The following SLC5A1 variants were observed in gnomAD, a reference collection of about 807,000 sequenced individuals.
SLC5A1 encodes the protein sodium/glucose cotransporter 1.
In SLC5A1, 42 loss-of-function variants were observed where a neutral mutation model predicts 73.5. That is an observed-to-expected ratio of 0.57 (90% CI 0.45 to 0.74). The LOEUF (loss-of-function observed/expected upper bound fraction) is 0.74. Ranked by LOEUF, SLC5A1 falls within the 30% of genes least tolerant of loss-of-function variation. SLC5A1 has a pLI of 0.00. For missense variants in SLC5A1, 634 were observed against 855.4 expected, an observed-to-expected ratio of 0.74 and a Z score of 3.23; for synonymous variants, 300 against 317.4, an observed-to-expected ratio of 0.95 and a Z score of 0.58.
intron 5 of SLC5A1, among the ~76,000 whole-genome samples, chr22:32,076,646 T>A (rs1024356304): frequency 2.0e-5 from 3 of 152,168 alleles, no homozygotes; most frequent in African/African-American, 7.2e-5. Flanking sequence ...AAAGAGAAAT[T>A]TGAGTAATGG....
intron 14 of SLC5A1, among the ~76,000 whole-genome samples, chr22:32,109,736 G>T (rs148106016): frequency 3.3e-5 from 5 of 152,178 alleles, no homozygotes; most frequent in African/African-American, 1.2e-4. Context: ...CATTGGGCCT[G>T]ATAGAGATAA....
Position 32,099,205 on chromosome 22 carries a change from G to A in SLC5A1, c.1303G>A (p.Gly435Ser). Residue 435 changes from glycine (G) to serine (S), a missense_variant, in exon 12 of 15, where the codon GGC (glycine) becomes AGC (serine). Physicochemically the swap from Gly to Ser is moderately conservative, Grantham distance 56. This residue lies in a region of SLC5A1 where 422 missense variants were observed against 626.1 expected (regional missense o/e 0.67). Transcript: ENST00000266088. ...AGRLFILVLI[G>S]ISIAWVPIVQ... ...CAGGTTGTTTATCCTGGTGCTGATTGGCATCAGCATCGCCTGGGTGCCCAT... is the reference window on the plus strand; with the variant it reads ...CAGGTTGTTTATCCTGGTGCTGATTAGCATCAGCATCGCCTGGGTGCCCAT... 6 of 1,609,046 alleles carry A rather than the reference G, an allele frequency of 3.7e-6. No homozygotes were observed. Among genetic ancestry groups the A allele is most frequent in the South Asian group, 1.1e-5 (1 of 90,922 alleles).
chr22:32,105,591 G>C (rs776826435), intron 14 of SLC5A1, among the ~76,000 whole-genome samples: 5 of 151,996 alleles, frequency 3.3e-5, no homozygotes, highest in Admixed American at 1.3e-4. Context: ...CACCACACCC[G>C]GCCTTGCACT....
chr22:32,093,591 T>A (rs959857158), intron 11 of SLC5A1, among the ~76,000 whole-genome samples: 2 of 152,202 alleles, frequency 1.3e-5, no homozygotes, highest in East Asian at 3.9e-4. Flanking sequence ...TCTCTTTCTT[T>A]TTTTTTTGCA....
intron 14 of SLC5A1, 127 bp from the exon 15 acceptor site, chr22:32,109,863 G>A: frequency 1.4e-6 from 1 of 711,090 alleles, no homozygotes; most frequent in Non-Finnish European, 2.5e-6. Context: ...GGGAAATTTG[G>A]GGAAATTTCT....
chr22:32,069,967 T>C (rs2093980097), intron 5 of SLC5A1, among the ~76,000 whole-genome samples: 1 of 152,150 alleles, frequency 6.6e-6, no homozygotes, highest in Non-Finnish European at 1.5e-5. Context: ...CTCCTGCTTT[T>C]TCTTGGAATC....
chr22:32,058,212 T>C (rs777647584), intron 2 of SLC5A1, among the ~76,000 whole-genome samples: 4 of 152,144 alleles, frequency 2.6e-5, no homozygotes, highest in Non-Finnish European at 4.4e-5. Flanking sequence ...AGCTATAATT[T>C]TAATGGCTGC....
At chr22:32,067,338 C>CATTATTATT (rs201292542) in intron 3 of SLC5A1, among the ~76,000 whole-genome samples, 8 of 146,288 alleles carry the variant, frequency 5.5e-5, no homozygotes, top group Non-Finnish European at 1.2e-4. Context: ...ACCAGATTTC[C>CATTATTATT]ATTATTATTA....
chr22:32,086,390 C>A, intron 10 of SLC5A1, 63 bp downstream of exon 10: 2 of 1,064,180 alleles, frequency 1.9e-6, no homozygotes, highest in Non-Finnish European at 2.9e-6. Flanking sequence ...GTTTAGGCAC[C>A]ACCTACATTC....
chr22:32,083,021 A>G, intron 6 of SLC5A1, 53 bp from the exon 7 acceptor site: 2 of 1,520,302 alleles, frequency 1.3e-6, no homozygotes, highest in Non-Finnish European at 1.8e-6. Context: ...GGAAGCAAGT[A>G]GACAGGTCAC....
Position 32,086,266 on chromosome 22 carries a change from T to C in SLC5A1, c.1068T>C (p.Gly356=). The change falls in exon 10 of 15, where the codon GGT becomes GGC. Residue 356 remains glycine (G), a synonymous_variant. Transcript: ENST00000266088. The stretch of plus-strand genomic sequence containing the variant: ...CTTCAGAATGTGAGAAATATTGCGG[T>C]ACCAAGGTTGGCTGTACCAACATCG... ...VVPSECEKYC[G]TKVGCTNIAY... 2 of 1,614,100 alleles carry C rather than the reference T, an allele frequency of 1.2e-6. No individual in the cohort carries two copies. The highest frequency in any genetic ancestry group is 1.7e-6 in the Non-Finnish European group (2 of 1,179,942).
chr22:32,060,987 CA>C (rs920623136), intron 2 of SLC5A1, among the ~76,000 whole-genome samples: 3 of 152,140 alleles, frequency 2.0e-5, no homozygotes, highest in Non-Finnish European at 4.4e-5. Flanking sequence ...GCAGGCTTCT[CA>C]AACTTTGTTG....
At chr22:32,045,996 T>C (rs1430408804) in intron 1 of SLC5A1, among the ~76,000 whole-genome samples, 1 of 152,242 alleles carries the variant, frequency 6.6e-6, no homozygotes, top group Non-Finnish European at 1.5e-5. Context: ...AGACCCTGTA[T>C]ATTCCACAAA....
intron 2 of SLC5A1, among the ~76,000 whole-genome samples, chr22:32,050,500 T>C (rs2093943796): frequency 6.6e-6 from 1 of 152,150 alleles, no homozygotes; most frequent in Non-Finnish European, 1.5e-5. Context: ...GTTTGGGTTG[T>C]CACCCACAAG....
chr22:32,084,773 G>T (rs2094005394), intron 8 of SLC5A1, 114 bp downstream of exon 8: 2 of 1,521,582 alleles, frequency 1.3e-6, no homozygotes, highest in African/African-American at 2.7e-5. Flanking sequence ...CAGGTGGTTT[G>T]TAAGTTGCCA....
At position 32,101,217 on chromosome 22, in the gene SLC5A1, A is replaced by C. The variant is rs572334484; in HGVS notation, c.1450-805A>C. 3.3e-5 allele frequency among the ~76,000 whole-genome samples: 5 copies of C among 152,216 alleles called. No individual in the cohort carries two copies. The South Asian group carries it at 1.0e-3, about 32-fold the overall frequency. ...AAAACTGTGAAAGCTCTTTTGGGCC[A>C]CCCTTCTAAGAGCACATTCTATTTT... On this transcript the variant is annotated intron_variant, in intron 12 of 14. Coordinates refer to ENST00000266088, the MANE Select transcript of SLC5A1 (RefSeq NM_000343.4).
At chr22:32,080,391 T>A (rs922349614) in intron 5 of SLC5A1, among the ~76,000 whole-genome samples, 16 of 152,120 alleles carry the variant, frequency 1.1e-4, no homozygotes, top group African/African-American at 3.6e-4. Flanking sequence ...AGATGTGCTC[T>A]TTGCTAACTG....
At chr22:32,053,059 A>T (rs951240039) in intron 2 of SLC5A1, among the ~76,000 whole-genome samples, 5 of 152,176 alleles carry the variant, frequency 3.3e-5, no homozygotes, top group African/African-American at 1.2e-4. Flanking sequence ...AGGAAGCCTT[A>T]ATCAGAGTTC....
At position 32,081,878 on chromosome 22, in the gene SLC5A1, T is replaced by C; in HGVS notation, c.490T>C (p.Ser164Pro). 6.2e-7 allele frequency: 1 copy of C among 1,612,928 alleles called. No individual in the cohort carries two copies. Among genetic ancestry groups the C allele is most frequent in the Non-Finnish European group, 8.5e-7 (1 of 1,179,222 alleles). The change falls in exon 6 of 15, where the codon TCG becomes CCG. Residue 164 changes from serine (S) to proline (P), a missense_variant. Around this residue, in one of 3 missense-constraint regions of SLC5A1, gnomAD observed 422 missense variants for 626.1 expected, o/e 0.67. Coordinates refer to ENST00000266088, the MANE Select transcript of SLC5A1 (RefSeq NM_000343.4). Reference sequence around the variant, plus strand: ...CCTCTCCTTCCAGGCAGACATCTTCTCGGGGGCCATATTCATCAATCTGGC... The same window carrying C: ...CCTCTCCTTCCAGGCAGACATCTTCCCGGGGGCCATATTCATCAATCTGGC... ...IFTKISADIF[S>P]GAIFINLALG... is the part of the protein sequence containing the mutation.
Sources: gnomAD v4.1 joint callset for allele counts (sites outside exome capture counted in the v4.1 genomes callset) on GRCh38, gnomAD v4.1.1 for gene constraint, gnomAD v4.1.1 regional missense constraint, MANE v1.5 for transcripts, NCBI Gene and HGNC (gene_info 2026-07-23, HGNC 2026-07-21) for gene names.